The following ZC3H12B variants were observed in gnomAD, a reference collection of about 807,000 sequenced individuals.
The protein encoded by ZC3H12B is probable ribonuclease ZC3H12B.
A neutral mutation model predicts 43.9 loss-of-function variants in ZC3H12B; 7 were observed. That is an observed-to-expected ratio of 0.16 (90% CI 0.09 to 0.30). The LOEUF is 0.30. Among genes scored for constraint, ZC3H12B ranks in the 10% least tolerant of loss-of-function variants. The probability of loss-of-function intolerance (pLI) is 1.00; values close to 1 mark genes in which losing one functional copy is unlikely to be tolerated. For missense variants in ZC3H12B, 475 were observed against 670.2 expected (o/e 0.71, Z 3.22); for synonymous variants, 222 against 241.7 (o/e 0.92, Z 0.76).
intron 3 of ZC3H12B, among the ~76,000 whole-genome samples, chrX:65,441,575 C>T (rs1382062296): frequency 3.6e-5 from 4 of 112,191 alleles, no homozygotes; most frequent in Non-Finnish European, 1.9e-5. Context: ...TCTCCTGGCT[C>T]TGCTTTCCAG....
the ZC3H12B span, among the ~76,000 whole-genome samples, chrX:65,266,927 A>G: frequency 9.0e-6 from 1 of 110,789 alleles, no homozygotes; most frequent in Non-Finnish European, 1.9e-5. Flanking sequence ...AAAGCCTGGA[A>G]GGAAGAGTCT....
the ZC3H12B span, among the ~76,000 whole-genome samples, chrX:65,085,930 C>T: frequency 1.8e-5 from 2 of 111,313 alleles, no homozygotes; most frequent in African/African-American, 6.5e-5. Flanking sequence ...CAAGGACATT[C>T]TCCTACATGA....
In ZC3H12B at chrX:65,436,286, A is replaced by G. The variant is rs568638753; in HGVS notation, n.407+37582A>G. ...CCCTCCTCCAACACTGGGAACCACA[A>G]CTCAACATGGGATTTTGGTGGGGAC... On this transcript the variant is annotated intron_variant and non_coding_transcript_variant, in intron 3 of 5. Coordinates refer to the ZC3H12B transcript ENST00000617377. Among the ~76,000 whole-genome samples the G allele has an allele frequency of 2.7e-5, 3 of 112,243 alleles. No homozygotes were observed. The South Asian group carries it at 1.1e-3, about 41-fold the overall frequency.
chrX:65,135,416 C>A, the ZC3H12B span, among the ~76,000 whole-genome samples: 2 of 109,041 alleles, frequency 1.8e-5, no homozygotes, highest in Admixed American at 2.0e-4. Context: ...TAGAGACTTC[C>A]TTCATTCATT....
intron 3 of ZC3H12B, among the ~76,000 whole-genome samples, chrX:65,408,866 G>A (rs1433874409): frequency 8.9e-6 from 1 of 111,877 alleles, no homozygotes; most frequent in Non-Finnish European, 1.9e-5. Flanking sequence ...TCTCGATCTC[G>A]TTAGATTGCA....
the ZC3H12B span, among the ~76,000 whole-genome samples, chrX:65,335,448 C>G: frequency 4.5e-4 from 50 of 111,998 alleles, no homozygotes; most frequent in African/African-American, 1.6e-3. Context: ...ACCAATAAGC[C>G]TTTACTAAGG....
chrX:65,270,380 T>C, the ZC3H12B span, among the ~76,000 whole-genome samples: 1 of 111,566 alleles, frequency 9.0e-6, no homozygotes, highest in Non-Finnish European at 1.9e-5. Flanking sequence ...ACAAAAACGA[T>C]TCAAAATGGA....
rs752857220 is a variant in ZC3H12B, at chrX:65,459,735, C to A, written n.408-28911C>A. ...AAATAATAAGAGCTATTTATGACAA[C>A]CCCACAGCCAATATCATACTGAATG... On this transcript the variant is annotated intron_variant and non_coding_transcript_variant, in intron 3 of 5. Coordinates refer to the ZC3H12B transcript ENST00000617377. 1.4e-3 allele frequency among the ~76,000 whole-genome samples: 156 copies of A among 111,419 alleles called. 1 individual carries two copies. The highest frequency in any genetic ancestry group is 4.6e-3 in the Middle Eastern group (1 of 217).
chrX:65,079,225 T>C, the ZC3H12B span, among the ~76,000 whole-genome samples: 2 of 112,663 alleles, frequency 1.8e-5, no homozygotes, highest in African/African-American at 6.4e-5. Flanking sequence ...TAGACAGACG[T>C]CTAAGGTTTT....
the ZC3H12B span, among the ~76,000 whole-genome samples, chrX:65,161,987 A>G: frequency 9.0e-6 from 1 of 111,221 alleles, no homozygotes; most frequent in African/African-American, 3.3e-5. Context: ...CTCAGCATTT[A>G]CTTGTCTGTA....
At chrX:65,299,672 C>T in the ZC3H12B span, among the ~76,000 whole-genome samples, 2 of 112,198 alleles carry the variant, frequency 1.8e-5, no homozygotes, top group Admixed American at 1.9e-4. Context: ...GACTAAATTG[C>T]AGCTTCCACT....
At chrX:65,151,134 A>T in the ZC3H12B span, among the ~76,000 whole-genome samples, 6 of 112,228 alleles carry the variant, frequency 5.3e-5, no homozygotes, top group Admixed American at 2.8e-4. Flanking sequence ...CAAGATTTCT[A>T]TGTCTTCTAA....
chrX:65,182,739 A>G, the ZC3H12B span, among the ~76,000 whole-genome samples: 1 of 110,975 alleles, frequency 9.0e-6, no homozygotes, highest in East Asian at 2.8e-4. Context: ...AAAACAAAAA[A>G]CCCTATTTAA....
At chrX:65,254,007 C>A in the ZC3H12B span, among the ~76,000 whole-genome samples, 1 of 112,213 alleles carries the variant, frequency 8.9e-6, no homozygotes, top group African/African-American at 3.2e-5. Flanking sequence ...CCCCACTCCA[C>A]CCTGCTGCAC....
At chrX:65,445,871 T>C (rs1446150945) in intron 3 of ZC3H12B, among the ~76,000 whole-genome samples, 1 of 112,081 alleles carries the variant, frequency 8.9e-6, no homozygotes. Context: ...AGTTGCAAGG[T>C]AAAGTGCTTT....
the ZC3H12B span, among the ~76,000 whole-genome samples, chrX:65,057,763 T>G: frequency 8.9e-6 from 1 of 111,983 alleles, no homozygotes; most frequent in Admixed American, 9.5e-5. Context: ...CCCATATTTC[T>G]TGGAGGCTTT....
chrX:65,084,004 G>A, the ZC3H12B span, among the ~76,000 whole-genome samples: 61 of 111,625 alleles, frequency 5.5e-4, no homozygotes, highest in Non-Finnish European at 9.6e-4. Context: ...AACATACACT[G>A]GGGAAAAGAC....
At chrX:65,245,983 G>T in the ZC3H12B span, among the ~76,000 whole-genome samples, 2 of 111,108 alleles carry the variant, frequency 1.8e-5, no homozygotes, top group African/African-American at 6.5e-5. Flanking sequence ...ATCCCTGTTT[G>T]CAGGAGACAT....
the ZC3H12B span, among the ~76,000 whole-genome samples, chrX:65,204,978 A>T: frequency 3.6e-5 from 4 of 111,796 alleles, no homozygotes; most frequent in Non-Finnish European, 7.5e-5. Context: ...CACAGTTGTT[A>T]TTCAAAACTA....
Sources: gnomAD v4.1 joint callset for allele counts (sites outside exome capture counted in the v4.1 genomes callset) on GRCh38, gnomAD v4.1.1 for gene constraint, MANE v1.5 for transcripts, NCBI Gene and HGNC (gene_info 2026-07-23, HGNC 2026-07-21) for gene names.